The following ZDHHC8 variants were observed in gnomAD, a reference collection of about 807,000 sequenced individuals.
ZDHHC8 encodes zDHHC palmitoyltransferase 8.
A neutral mutation model predicts 61.2 loss-of-function variants in ZDHHC8; 24 were observed. The observed-to-expected ratio is 0.39, with a 90% confidence interval of 0.28 to 0.55. The LOEUF (loss-of-function observed/expected upper bound fraction) is 0.55, where lower values mean the gene tolerates loss of function less well. Among genes scored for constraint, ZDHHC8 ranks in the 20% least tolerant of loss-of-function variants. ZDHHC8 has a pLI of 0.60. For synonymous variants in ZDHHC8, 523 were observed against 492.5 expected, an observed-to-expected ratio of 1.06 and a Z score of -0.82; for missense variants, 935 against 1,102.1, an observed-to-expected ratio of 0.85 and a Z score of 2.15.
intron 1 of ZDHHC8, among the ~76,000 whole-genome samples, chr22:20,135,156 G>A (rs1014679001): frequency 3.2e-4 from 49 of 151,636 alleles, no homozygotes; most frequent in Admixed American, 1.3e-4. Context: ...TCGCTATGTT[G>A]CCCAGGCTAT....
intron 5 of ZDHHC8, 161 bp from the exon 6 acceptor site, chr22:20,140,456 G>C: frequency 1.2e-6 from 1 of 851,942 alleles, no homozygotes; most frequent in Non-Finnish European, 1.8e-6. Context: ...TGCAAGTTCA[G>C]GCTGGGTAAC....
In ZDHHC8 at chr22:20,141,496, G is replaced by T; in HGVS notation, c.1091G>T (p.Gly364Val). 6.2e-7 allele frequency: 1 copy of T among 1,613,032 alleles called. No homozygotes were observed. The highest frequency in any genetic ancestry group is 8.5e-7 in the Non-Finnish European group (1 of 1,179,912). Residue 364 changes from glycine to valine, a missense_variant, in exon 9 of 11, where the codon GGT becomes GTT. Coordinates refer to ENST00000334554, the MANE Select transcript of ZDHHC8 (RefSeq NM_013373.4). ...AAGTTTAGGCCGGCTTTCCCCACGG[G>T]TCCCAAGGTGCCCTTCTGTGGACCA... ...MYKFRPAFPT[G>V]PKVPFCGPGE... is the part of the protein sequence containing the mutation.
chr22:20,140,734 A>G, intron 6 of ZDHHC8, 26 bp downstream of exon 6: 1 of 1,603,386 alleles, frequency 6.2e-7, no homozygotes, highest in Non-Finnish European at 8.5e-7. Flanking sequence ...GGCAGGGTGG[A>G]GGGGGGCCTC....
chr22:20,139,367 G>A, intron 2 of ZDHHC8, 52 bp downstream of exon 2: 1 of 1,606,166 alleles, frequency 6.2e-7, no homozygotes, highest in Non-Finnish European at 8.5e-7. Flanking sequence ...AGTGTGAGTG[G>A]CTAACTTGAG....
Position 20,131,886 on chromosome 22 carries a change from C to G in ZDHHC8, c.-62C>G. ...TCCAGCCCGCCCGCCCGACCCCGGCCCGACCCCGGCCGGCCCTGCCCGCCC... is the reference window on the plus strand; with the variant it reads ...TCCAGCCCGCCCGCCCGACCCCGGCGCGACCCCGGCCGGCCCTGCCCGCCC... On this transcript the variant is annotated 5_prime_UTR_variant, in exon 1 of 11. Coordinates refer to ENST00000334554, the MANE Select transcript of ZDHHC8 (RefSeq NM_013373.4). 1.3e-6 allele frequency: 1 copy of G among 758,024 alleles called. No homozygotes were observed. Among genetic ancestry groups the G allele is most frequent in the East Asian group, 1.2e-4 (1 of 8,096 alleles). 47.0% of individuals were successfully genotyped at this position (758,024 alleles called of 1,614,324 possible).
In ZDHHC8 at chr22:20,145,322, C is replaced by T; in HGVS notation, c.2220C>T (p.Pro740=). The stretch of plus-strand genomic sequence containing the variant: ...GACCTGCCACCGGCCCCCCAGGGCC[C>T]TCTGCCAGCCCTACACGGCACACGC... The part of the protein sequence containing the change: ...RLGPATGPPG[P]SASPTRHTLV... Residue 740 remains proline (P), a synonymous_variant, in exon 11 of 11, where the codon CCC becomes CCT. Coordinates refer to ENST00000334554, the MANE Select transcript of ZDHHC8 (RefSeq NM_013373.4). 6.3e-7 allele frequency: 1 copy of T among 1,598,770 alleles called. No individual in the cohort carries two copies. Among genetic ancestry groups the T allele is most frequent in the South Asian group, 1.1e-5 (1 of 89,760 alleles).
chr22:20,140,925 C>T lies in ZDHHC8; in HGVS notation c.807C>T (p.Phe269=), dbSNP rs1231068680. Reference sequence around the variant, plus strand: ...TCGCGGTGAGTTTGAAGCCGCCTTTCCTTAGGCCTGAACTCCTGGACCGAG... The same window carrying T: ...TCGCGGTGAGTTTGAAGCCGCCTTTTCTTAGGCCTGAACTCCTGGACCGAG... ...LPLAVSLKPP[F]LRPELLDRAA... The change falls in exon 7 of 11, where the codon TTC becomes TTT. Residue 269 remains phenylalanine, a synonymous_variant. Coordinates refer to ENST00000334554, the MANE Select transcript of ZDHHC8 (RefSeq NM_013373.4). 6 of 1,608,664 alleles carry T rather than the reference C, an allele frequency of 3.7e-6. No individual in the cohort carries two copies. In the Admixed American group the frequency reaches 5.0e-5, roughly 13 times the overall value.
chr22:20,143,774 C>G lies in ZDHHC8; in HGVS notation c.2126+18C>G, dbSNP rs754438128. 5 of 1,592,772 alleles carry G rather than the reference C, an allele frequency of 3.1e-6. No individual in the cohort carries two copies. Among genetic ancestry groups the G allele is most frequent in the Non-Finnish European group, 4.3e-6 (5 of 1,174,600 alleles). ...GTGCAGAGGTGGGTGCCGGGAGGTG[C>G]GGGTGGGCTTCCTGGCACAGGGCAG... On this transcript the variant is annotated intron_variant, in intron 10 of 10. Coordinates refer to ENST00000334554, the MANE Select transcript of ZDHHC8 (RefSeq NM_013373.4).
chr22:20,142,402 G>T (rs1229154901), intron 9 of ZDHHC8, among the ~76,000 whole-genome samples: 1 of 152,186 alleles, frequency 6.6e-6, no homozygotes, highest in Non-Finnish European at 1.5e-5. Context: ...GGTTCCTGAG[G>T]CTCTTGTCCC....
At chr22:20,143,883 A>C in intron 10 of ZDHHC8, 127 bp downstream of exon 10, 1 of 1,251,414 alleles carries the variant, frequency 8.0e-7, no homozygotes, top group Non-Finnish European at 1.1e-6. Context: ...GGGACGGGAC[A>C]GGGAGGATGC....
rs1255526294 is a variant in ZDHHC8, at chr22:20,145,992, C to CAGCCAGCT, written c.*593_*600dup. The CAGCCAGCT allele has an allele frequency of 2.1e-5, 21 of 985,788 alleles. No homozygotes were observed. The highest frequency in any genetic ancestry group is 2.5e-5 in the Non-Finnish European group (21 of 830,088). 61.1% of individuals were successfully genotyped at this position (985,788 alleles called of 1,614,324 possible). A position where few individuals can be genotyped will look rare whatever the true frequency, so the allele number is the denominator to read the frequency against. ...GTGGATAGGTGGACAGACGGCCAGC[C>CAGCCAGCT]AGCCAGCTGTGGCCGGGGGCCCGGC... On this transcript the variant is annotated 3_prime_UTR_variant, in exon 11 of 11. Coordinates refer to ENST00000334554, the MANE Select transcript of ZDHHC8 (RefSeq NM_013373.4).
chr22:20,147,424 T>A lies in ZDHHC8; in HGVS notation c.*2024T>A. The A allele has an allele frequency of 1.8e-6, 1 of 541,876 alleles. No homozygotes were observed. The highest frequency in any genetic ancestry group is 3.0e-6 in the Non-Finnish European group (1 of 330,132). 33.6% of individuals were successfully genotyped at this position (541,876 alleles called of 1,614,324 possible). On this transcript the variant is annotated 3_prime_UTR_variant, in exon 11 of 11. Coordinates refer to ENST00000334554, the MANE Select transcript of ZDHHC8 (RefSeq NM_013373.4). Reference sequence around the variant, plus strand: ...ACATGACCTCAGGGAGTCCCCCACCTGCTGCAGGGGGTCCAGCACCCCACA... The same window carrying A: ...ACATGACCTCAGGGAGTCCCCCACCAGCTGCAGGGGGTCCAGCACCCCACA...
chr22:20,132,373 G>T (rs1033076925), intron 1 of ZDHHC8, among the ~76,000 whole-genome samples: 6 of 152,232 alleles, frequency 3.9e-5, no homozygotes, highest in Non-Finnish European at 7.4e-5. Flanking sequence ...GGGTGTGGCT[G>T]CAGCCCTTCC....
chr22:20,131,876 C>G lies in ZDHHC8; in HGVS notation c.-72C>G, dbSNP rs2050376309. Reference sequence around the variant, plus strand: ...CTGCGCCGCGTCCAGCCCGCCCGCCCGACCCCGGCCCGACCCCGGCCGGCC... The same window carrying G: ...CTGCGCCGCGTCCAGCCCGCCCGCCGGACCCCGGCCCGACCCCGGCCGGCC... On this transcript the variant is annotated 5_prime_UTR_variant, in exon 1 of 11. Coordinates refer to ENST00000334554, the MANE Select transcript of ZDHHC8 (RefSeq NM_013373.4). 2 of 505,784 alleles carry G rather than the reference C, an allele frequency of 4.0e-6. No homozygotes were observed. Among genetic ancestry groups the G allele is most frequent in the South Asian group, 7.9e-5 (1 of 12,668 alleles). The allele number at this position is 505,784 out of a possible 1,614,324, so 31.3% of individuals were successfully genotyped here.
In ZDHHC8 at chr22:20,142,831, G is replaced by A; in HGVS notation, c.1201G>A (p.Asp401Asn). ...SLDFVSEPSL[D>N]LPDYGPGGLH... ...GGACTTTGTGTCCGAGCCGAGCCTG[G>A]ACCTCCCTGACTATGGGCCAGGGGG... Residue 401 changes from aspartate (D) to asparagine (N), a missense_variant, in exon 10 of 11, where the codon GAC (aspartate) becomes AAC (asparagine). This residue lies in a region of ZDHHC8 where 692 missense variants were observed against 731.4 expected (regional missense o/e 0.95). Coordinates refer to ENST00000334554, the MANE Select transcript of ZDHHC8 (RefSeq NM_013373.4). 6.2e-7 allele frequency: 1 copy of A among 1,612,736 alleles called. No homozygotes were observed. The highest frequency in any genetic ancestry group is 1.1e-5 in the South Asian group (1 of 91,086).
chr22:20,132,242 C>G (rs1016231309), intron 1 of ZDHHC8, among the ~76,000 whole-genome samples, 191 bp downstream of exon 1: 1 of 152,146 alleles, frequency 6.6e-6, no homozygotes, highest in African/African-American at 2.4e-5. Flanking sequence ...GCCGGCGTCC[C>G]GGGCACCGGG....
chr22:20,141,433 C>T lies in ZDHHC8; in HGVS notation c.1028C>T (p.Ser343Leu), dbSNP rs184990183. The T allele has an allele frequency of 5.7e-5, 92 of 1,613,202 alleles. No homozygotes were observed. The highest frequency in any genetic ancestry group is 9.3e-5 in the African/African-American group (7 of 75,040). The change falls in exon 9 of 11, where the codon TCG (serine) becomes TTG (leucine). Residue 343 changes from serine (S) to leucine (L), a missense_variant. Ser to Leu is a moderately radical substitution (Grantham distance 145). Around this residue, in one of 3 missense-constraint regions of ZDHHC8, gnomAD observed 692 missense variants for 731.4 expected, o/e 0.95. Coordinates refer to ENST00000334554, the MANE Select transcript of ZDHHC8 (RefSeq NM_013373.4). ...TCTGCATCCCCAGAGAGTGCCCTGT[C>T]GGTGCAGAGGACCAGCCCCCCGACA... Reference protein sequence around the residue: ...PRPGSAESALSVQRTSPPTPA... With the variant: ...PRPGSAESALLVQRTSPPTPA...
At position 20,143,460 on chromosome 22, in the gene ZDHHC8, T is replaced by C. The variant is rs1397743964; in HGVS notation, c.1830T>C (p.Leu610=). 4 of 1,600,862 alleles carry C rather than the reference T, an allele frequency of 2.5e-6. No homozygotes were observed. The highest frequency in any genetic ancestry group is 2.2e-5 in the South Asian group (2 of 90,884). The change falls in exon 10 of 11, where the codon CTT becomes CTC. Residue 610 remains leucine, a synonymous_variant. Transcript: ENST00000334554. The part of the protein sequence containing the change: ...PALRYGSRDD[L]VAGPGFGGAR... ...TGCGCTATGGCTCCAGAGACGACCT[T>C]GTGGCTGGGCCCGGCTTCGGTGGCG...
Position 20,141,473 on chromosome 22 carries a change from G to T in ZDHHC8, c.1068G>T (p.Lys356Asn), listed in dbSNP as rs1466447720. 3 of 1,613,252 alleles carry T rather than the reference G, an allele frequency of 1.9e-6. No individual in the cohort carries two copies. In the African/African-American group the frequency reaches 4.0e-5, roughly 22 times the overall value. ...GCCCCCCGACACCTGCCATGTACAA[G>T]TTTAGGCCGGCTTTCCCCACGGGTC... Reference protein sequence around the residue: ...RTSPPTPAMYKFRPAFPTGPK... With the variant: ...RTSPPTPAMYNFRPAFPTGPK... The change falls in exon 9 of 11, where the codon AAG becomes AAT. Residue 356 changes from lysine (K) to asparagine (N), a missense_variant. Physicochemically the swap from Lys to Asn is moderately conservative, Grantham distance 94. Around this residue, in one of 3 missense-constraint regions of ZDHHC8, gnomAD observed 692 missense variants for 731.4 expected, o/e 0.95. Transcript: ENST00000334554.
Sources: gnomAD v4.1 joint callset for allele counts (sites outside exome capture counted in the v4.1 genomes callset) on GRCh38, gnomAD v4.1.1 for gene constraint, gnomAD v4.1.1 regional missense constraint, MANE v1.5 for transcripts, NCBI Gene and HGNC (gene_info 2026-07-23, HGNC 2026-07-21) for gene names.